Variants in ZFPM2 observed in about 807,000 individuals in gnomAD.
ZFPM2 encodes the protein zinc finger protein ZFPM2.
A neutral mutation model predicts 98.6 loss-of-function variants in ZFPM2; 20 were observed. That is an observed-to-expected ratio of 0.20 (90% CI 0.14 to 0.29). The LOEUF (loss-of-function observed/expected upper bound fraction) is 0.29. ZFPM2 is among the 10% of genes least tolerant of loss of function. The pLI is 1.00. For missense variants in ZFPM2, 1,310 were observed against 1,388.6 expected, an observed-to-expected ratio of 0.94 and a Z score of 0.90; for synonymous variants, 518 against 502.7, an observed-to-expected ratio of 1.03 and a Z score of -0.41.
intron 3 of ZFPM2, among the ~76,000 whole-genome samples, chr8:105,551,955 C>CTGTTA (rs3076222): frequency 2.1e-3 from 318 of 151,434 alleles, no homozygotes; most frequent in African/African-American, 7.4e-3. Flanking sequence ...GTGATAAGTT[C>CTGTTA]TAAGTGAATT....
chr8:105,450,614 A>G (rs1484550371), intron 3 of ZFPM2, among the ~76,000 whole-genome samples: 3 of 152,116 alleles, frequency 2.0e-5, no homozygotes, highest in African/African-American at 7.2e-5. Flanking sequence ...TTGCCGGATG[A>G]AGATAAGAGC....
At chr8:105,454,893 G>T (rs1196123492) in intron 3 of ZFPM2, among the ~76,000 whole-genome samples, 4 of 152,140 alleles carry the variant, frequency 2.6e-5, no homozygotes, top group Non-Finnish European at 4.4e-5. Flanking sequence ...GAACATAATA[G>T]ACTTTGATAG....
chr8:105,643,722 C>T (rs1253723402), intron 5 of ZFPM2, among the ~76,000 whole-genome samples: 2 of 152,144 alleles, frequency 1.3e-5, no homozygotes, highest in Non-Finnish European at 2.9e-5. Flanking sequence ...TTCTCCTAAT[C>T]AGTCTTCAAG....
intron 5 of ZFPM2, among the ~76,000 whole-genome samples, chr8:105,652,461 C>G (rs1363420847): frequency 6.6e-6 from 1 of 151,222 alleles, no homozygotes; most frequent in Non-Finnish European, 1.5e-5. Context: ...GTATTCCAAT[C>G]AAGGAAATGG....
At chr8:105,587,278 G>GA (rs1217188691) in intron 4 of ZFPM2, among the ~76,000 whole-genome samples, 10,081 of 51,882 alleles carry the variant, frequency 0.19, 757 homozygotes, top group Middle Eastern at 0.27. Context: ...CTCTGTCTCA[G>GA]AAAAAAAAAA....
At position 105,418,792 on chromosome 8, in the gene ZFPM2, CTT is replaced by C. The variant is rs1214698145; in HGVS notation, c.41-350_41-349del. ...CAACAGTGTAAAAGAGACTTGTACT[CTT>C]TACCAGATAGTTAATTCTAACAAAT... On this transcript the variant is annotated intron_variant, in intron 1 of 7. Coordinates refer to ENST00000407775, the MANE Select transcript of ZFPM2 (RefSeq NM_012082.4). 11 of 515,496 alleles carry C rather than the reference CTT, an allele frequency of 2.1e-5. 1 individual carries two copies. Among genetic ancestry groups the C allele is most frequent in the South Asian group, 8.7e-5 (6 of 68,774 alleles). 31.9% of individuals were successfully genotyped at this position (515,496 alleles called of 1,614,324 possible).
At chr8:105,507,086 C>T (rs1813718880) in intron 3 of ZFPM2, among the ~76,000 whole-genome samples, 1 of 151,922 alleles carries the variant, frequency 6.6e-6, no homozygotes, top group Non-Finnish European at 1.5e-5. Context: ...CTAGGAGTGT[C>T]AGACCAAGGC....
At chr8:105,609,097 A>G (rs1308319240) in intron 4 of ZFPM2, among the ~76,000 whole-genome samples, 1 of 152,194 alleles carries the variant, frequency 6.6e-6, no homozygotes, top group Non-Finnish European at 1.5e-5. Context: ...CAACAAGTAC[A>G]AAATGGCACA....
At chr8:105,552,800 T>C (rs1216409643) in intron 3 of ZFPM2, among the ~76,000 whole-genome samples, 4 of 151,330 alleles carry the variant, frequency 2.6e-5, no homozygotes, top group Non-Finnish European at 5.9e-5. Flanking sequence ...CATGGTGGGT[T>C]TTTCAGATGT....
At chr8:105,510,527 A>G (rs750545946) in intron 3 of ZFPM2, among the ~76,000 whole-genome samples, 5 of 152,056 alleles carry the variant, frequency 3.3e-5, no homozygotes, top group Non-Finnish European at 5.9e-5. Context: ...GTGACTGATT[A>G]TGGTTAAAAT....
chr8:105,604,288 C>T lies in ZFPM2; in HGVS notation c.421-29958C>T, dbSNP rs72673763. Among the ~76,000 whole-genome samples the T allele has an allele frequency of 3.6e-3, 552 of 152,054 alleles. 2 individuals are homozygous for T. The highest frequency in any genetic ancestry group is 6.5e-3 in the Non-Finnish European group (439 of 67,956). ...GTCAATGAATTTCGCTTTCAAAATC[C>T]GACCACTTCCCACCACTTCCAGAGC... On this transcript the variant is annotated intron_variant, in intron 4 of 7. Coordinates refer to ENST00000407775, the MANE Select transcript of ZFPM2 (RefSeq NM_012082.4).
intron 5 of ZFPM2, among the ~76,000 whole-genome samples, chr8:105,650,781 A>T (rs1313326668): frequency 6.6e-6 from 1 of 152,148 alleles, no homozygotes; most frequent in East Asian, 1.9e-4. Context: ...TTTGCTGAGG[A>T]GTGCTTTACT....
chr8:105,367,205 C>T (rs1475308132), intron 1 of ZFPM2, among the ~76,000 whole-genome samples: 5 of 76,002 alleles, frequency 6.6e-5, no homozygotes, highest in Admixed American at 2.7e-4. Flanking sequence ...CTTGGCGATG[C>T]GGGCTCTTTT....
intron 5 of ZFPM2, among the ~76,000 whole-genome samples, chr8:105,704,885 G>T (rs1310335439): frequency 6.6e-6 from 1 of 152,114 alleles, no homozygotes; most frequent in Non-Finnish European, 1.5e-5. Flanking sequence ...TACCAGAGAG[G>T]CTCAAGTTGC....
intron 5 of ZFPM2, among the ~76,000 whole-genome samples, chr8:105,733,624 C>A (rs544743248): frequency 6.6e-6 from 1 of 151,890 alleles, no homozygotes; most frequent in African/African-American, 2.4e-5. Flanking sequence ...AGTAATGATG[C>A]TTATGTTTTA....
At chr8:105,560,192 G>GAAAAC (rs35174831) in intron 3 of ZFPM2, among the ~76,000 whole-genome samples, 3 of 144,552 alleles carry the variant, frequency 2.1e-5, no homozygotes, top group African/African-American at 7.6e-5. Context: ...AAAAAAGAAA[G>GAAAAC]AAAATATAAG....
intron 1 of ZFPM2, among the ~76,000 whole-genome samples, chr8:105,334,865 A>G (rs1812299072): frequency 2.0e-5 from 3 of 151,672 alleles, no homozygotes. Flanking sequence ...TATCCTTGAA[A>G]GTCTTCCAAG....
intron 1 of ZFPM2, among the ~76,000 whole-genome samples, chr8:105,391,578 A>T (rs1811110387): frequency 6.6e-6 from 1 of 151,724 alleles, no homozygotes; most frequent in African/African-American, 2.4e-5. Context: ...ATGCGTCGTC[A>T]ATAATGTCTA....
At chr8:105,651,382 T>G (rs1016144448) in intron 5 of ZFPM2, among the ~76,000 whole-genome samples, 4 of 151,164 alleles carry the variant, frequency 2.6e-5, no homozygotes, top group African/African-American at 9.7e-5. Context: ...GCAGGAGAAT[T>G]GCTTGAACCT....
Sources: gnomAD v4.1 joint callset for allele counts (sites outside exome capture counted in the v4.1 genomes callset) on GRCh38, gnomAD v4.1.1 for gene constraint, MANE v1.5 for transcripts, NCBI Gene and HGNC (gene_info 2026-07-23, HGNC 2026-07-21) for gene names.